The following KLHL4 variants were observed in gnomAD, a reference collection of about 807,000 sequenced individuals.
KLHL4 encodes the protein kelch like family member 4.
KLHL4 carries 17 observed loss-of-function variants against 45.8 expected under a neutral mutation model. That is an observed-to-expected ratio of 0.37 (90% CI 0.25 to 0.56). The LOEUF (loss-of-function observed/expected upper bound fraction) is 0.56. Ranked by LOEUF, KLHL4 falls within the 20% of genes least tolerant of loss-of-function variation. The probability of loss-of-function intolerance (pLI) is 0.79; values close to 1 mark genes in which losing one functional copy is unlikely to be tolerated. For missense variants in KLHL4, 544 were observed against 544.9 expected, an observed-to-expected ratio of 1.00 and a Z score of 0.02; for synonymous variants, 224 against 189.9, an observed-to-expected ratio of 1.18 and a Z score of -1.47.
chrX:87,610,298 T>C (rs1360688544), intron 1 of KLHL4, among the ~76,000 whole-genome samples: 1 of 112,279 alleles, frequency 8.9e-6, no homozygotes. Flanking sequence ...CCTAAAATAG[T>C]TCTGTTCAGG....
Position 87,666,934 on chromosome X carries a change from C to A in KLHL4, c.*400C>A, listed in dbSNP as rs1924389499. 4.3e-6 allele frequency: 3 copies of A among 694,888 alleles called. No homozygotes were observed. Among genetic ancestry groups the A allele is most frequent in the South Asian group, 1.5e-4 (2 of 13,519 alleles). 57.3% of individuals were successfully genotyped at this position (694,888 alleles called of 1,213,427 possible). ...TCAGTTTTTTTTTAAAAAACGTACT[C>A]TTATTATCTGGAACATAGAAATATA... On this transcript the variant is annotated 3_prime_UTR_variant, in exon 11 of 11. Coordinates refer to ENST00000373119, the MANE Select transcript of KLHL4 (RefSeq NM_019117.5).
intron 3 of KLHL4, 57 bp downstream of exon 3, chrX:87,614,627 AT>A: frequency 9.6e-7 from 1 of 1,040,125 alleles, no homozygotes. Flanking sequence ...ACACATTATT[AT>A]TAGTAGTAGT....
chrX:87,518,318 A>G lies in KLHL4; in HGVS notation c.422+3A>G. 1 of 1,196,022 alleles carries G rather than the reference A, an allele frequency of 8.4e-7. No individual in the cohort carries two copies. On this transcript the variant is annotated splice_donor_region_variant and intron_variant, in intron 1 of 10. Transcript: ENST00000373119. ...AATATAGAAGATTCTACAGCAAGGT[A>G]AGAGTTTTTGGTCGCATAACTGAAT...
chrX:87,646,722 C>T (rs12835647), intron 9 of KLHL4, among the ~76,000 whole-genome samples: 1 of 111,626 alleles, frequency 9.0e-6, no homozygotes, highest in African/African-American at 3.3e-5. Context: ...ATCCTCATCT[C>T]TAACCCTATA....
intron 1 of KLHL4, among the ~76,000 whole-genome samples, chrX:87,611,656 G>GTGCA (rs1922374575): frequency 2.4e-5 from 1 of 42,370 alleles, no homozygotes; most frequent in African/African-American, 1.1e-4. Flanking sequence ...ACTGGTTTAA[G>GTGCA]TACATACTAT....
At chrX:87,639,002 G>T (rs1485118688) in intron 9 of KLHL4, among the ~76,000 whole-genome samples, 1 of 110,311 alleles carries the variant, frequency 9.1e-6, no homozygotes, top group Non-Finnish European at 1.9e-5. Flanking sequence ...GTGGAAAAAA[G>T]ATAGTCCGTG....
chrX:87,622,042 C>T (rs1238872578), intron 4 of KLHL4, among the ~76,000 whole-genome samples, 169 bp from the exon 5 acceptor site: 1 of 111,945 alleles, frequency 8.9e-6, no homozygotes, highest in Non-Finnish European at 1.9e-5. Context: ...CTCCAGAAGG[C>T]TCCCTGTTAC....
intron 1 of KLHL4, among the ~76,000 whole-genome samples, chrX:87,607,276 G>A (rs936102281): frequency 9.0e-6 from 1 of 110,803 alleles, no homozygotes; most frequent in East Asian, 2.9e-4. Flanking sequence ...AAATCTTGTG[G>A]CCACACTCCA....
intron 1 of KLHL4, among the ~76,000 whole-genome samples, chrX:87,558,941 T>C (rs994049728): frequency 1.8e-5 from 2 of 111,903 alleles, no homozygotes; most frequent in African/African-American, 6.5e-5. Flanking sequence ...AACTTTAAAG[T>C]CTTTGTTGGA....
chrX:87,636,718 C>T (rs1923275497), intron 9 of KLHL4, among the ~76,000 whole-genome samples: 1 of 110,038 alleles, frequency 9.1e-6, no homozygotes, highest in Non-Finnish European at 1.9e-5. Context: ...CCCCCACTTT[C>T]CCGGTGGCCT....
intron 1 of KLHL4, among the ~76,000 whole-genome samples, chrX:87,601,440 C>T (rs184703761): frequency 2.5e-4 from 28 of 111,665 alleles, no homozygotes; most frequent in Admixed American, 2.3e-3. Context: ...TGTGCATGCT[C>T]ACCTGAAATG....
intron 9 of KLHL4, among the ~76,000 whole-genome samples, chrX:87,641,293 T>C (rs949727388): frequency 4.5e-5 from 5 of 111,843 alleles, no homozygotes; most frequent in African/African-American, 1.6e-4. Flanking sequence ...GCTGAAGGTC[T>C]GTTTGCAGGA....
rs1924383729 is a variant in KLHL4 at position 87,666,777 on chromosome X, C to A, written c.*243C>A. 1 of 903,419 alleles carries A rather than the reference C, an allele frequency of 1.1e-6. No individual in the cohort carries two copies. The highest frequency in any genetic ancestry group is 2.1e-5 in the African/African-American group (1 of 48,037). 74.5% of individuals were successfully genotyped at this position (903,419 alleles called of 1,213,427 possible). The stretch of plus-strand genomic sequence containing the variant: ...GCAGCTGATAATATAAAAGGAAATC[C>A]CACAGTCTAGATATAGCCCCATTAC... On this transcript the variant is annotated 3_prime_UTR_variant, in exon 11 of 11. Transcript: ENST00000373119.
chrX:87,593,198 G>T (rs989671823), intron 1 of KLHL4, among the ~76,000 whole-genome samples: 1 of 110,802 alleles, frequency 9.0e-6, no homozygotes, highest in Non-Finnish European at 1.9e-5. Flanking sequence ...GTCCTACTTG[G>T]AGTTCATTAT....
intron 9 of KLHL4, among the ~76,000 whole-genome samples, chrX:87,641,451 T>C (rs181807765): frequency 1.8e-5 from 2 of 111,873 alleles, no homozygotes; most frequent in Non-Finnish European, 3.8e-5. Flanking sequence ...ATTTGGAGGC[T>C]GGCCAGAGAA....
chrX:87,548,507 C>T (rs1481712605), intron 1 of KLHL4, among the ~76,000 whole-genome samples: 2 of 111,143 alleles, frequency 1.8e-5, no homozygotes, highest in Admixed American at 9.6e-5. Context: ...GTGTAAACAA[C>T]TTTTATTCTA....
At chrX:87,586,031 T>C (rs753939446) in intron 1 of KLHL4, among the ~76,000 whole-genome samples, 1 of 111,677 alleles carries the variant, frequency 9.0e-6, no homozygotes, top group Non-Finnish European at 1.9e-5. Flanking sequence ...GTGAAAAAGA[T>C]GGTCACTATA....
At chrX:87,621,050 A>C (rs1448578434) in intron 4 of KLHL4, among the ~76,000 whole-genome samples, 1 of 107,109 alleles carries the variant, frequency 9.3e-6, no homozygotes, top group Admixed American at 9.7e-5. Context: ...TTACGGCATC[A>C]GAGCTTTCTG....
intron 1 of KLHL4, among the ~76,000 whole-genome samples, chrX:87,565,413 A>T (rs1358401848): frequency 2.7e-5 from 3 of 111,395 alleles, no homozygotes; most frequent in Admixed American, 1.9e-4. Flanking sequence ...AGTTAATATG[A>T]GAGGCCTTAC....
Sources: gnomAD v4.1 joint callset for allele counts (sites outside exome capture counted in the v4.1 genomes callset) on GRCh38, gnomAD v4.1.1 for gene constraint, MANE v1.5 for transcripts, NCBI Gene and HGNC (gene_info 2026-07-23, HGNC 2026-07-21) for gene names.